B3GALNT2: variants seen among roughly 807,000 people sequenced by gnomAD.
B3GALNT2 encodes UDP-GalNAc:beta-1,3-N-acetylgalactosaminyltransferase 2.
A neutral mutation model predicts 61.1 loss-of-function variants in B3GALNT2; 53 were observed. The ratio of observed to expected loss-of-function variants is 0.87; its 90% CI spans 0.70 to 1.09. The LOEUF (loss-of-function observed/expected upper bound fraction) is 1.09. Among genes scored for constraint, B3GALNT2 ranks in the 50% least tolerant of loss-of-function variants. B3GALNT2 has a pLI of 0.00. For missense variants in B3GALNT2, 544 were observed against 623.0 expected, an observed-to-expected ratio of 0.87 and a Z score of 1.35; for synonymous variants, 223 against 237.4, an observed-to-expected ratio of 0.94 and a Z score of 0.56.
rs188273909 is a variant in B3GALNT2 at position 235,476,228 on chromosome 1, G to A, written c.651+3826C>T. Among the ~76,000 whole-genome samples the A allele has an allele frequency of 4.7e-3, 710 of 151,896 alleles. 4 individuals are homozygous for A. The highest frequency in any genetic ancestry group is 7.5e-3 in the Non-Finnish European group (511 of 67,946). ...AGATCAAGACCATCCTGGCTAACAC[G>A]GTGAAACCCCGTCTGTACTAAAAAT... is the stretch of plus-strand genomic sequence containing the variant. On this transcript the variant is annotated intron_variant, in intron 5 of 11. Coordinates refer to ENST00000366600, the MANE Select transcript of B3GALNT2 (RefSeq NM_152490.5).
intron 3 of B3GALNT2, among the ~76,000 whole-genome samples, chr1:235,487,986 A>G (rs905216703): frequency 6.6e-6 from 1 of 151,778 alleles, no homozygotes; most frequent in Non-Finnish European, 1.5e-5. Flanking sequence ...GGAGCTCACT[A>G]TGTTGCCCAG....
chr1:235,475,492 C>T (rs1684234896), intron 5 of B3GALNT2, among the ~76,000 whole-genome samples: 1 of 152,092 alleles, frequency 6.6e-6, no homozygotes, highest in Non-Finnish European at 1.5e-5. Flanking sequence ...TGATGAACTT[C>T]CTCTCGCAAA....
chr1:235,483,631 G>T (rs1684658515), intron 4 of B3GALNT2, among the ~76,000 whole-genome samples: 1 of 152,266 alleles, frequency 6.6e-6, no homozygotes, highest in South Asian at 2.1e-4. Flanking sequence ...AATTAGCCAG[G>T]TGTGGTGGCA....
chr1:235,441,988 G>A, the B3GALNT2 span: 1 of 977,934 alleles, frequency 1.0e-6, no homozygotes, highest in Non-Finnish European at 1.5e-6. Context: ...CTAAGTAAAT[G>A]CCTTGAGTTT....
At chr1:235,484,023 T>C (rs548776057) in intron 4 of B3GALNT2, among the ~76,000 whole-genome samples, 2 of 152,316 alleles carry the variant, frequency 1.3e-5, no homozygotes, top group South Asian at 4.1e-4. Context: ...CCTAAACTTT[T>C]TTTATATCCA....
rs765882953 is a variant in B3GALNT2, at chr1:235,450,240, C to T, written c.1469G>A (p.Arg490Gln). The T allele has an allele frequency of 6.8e-6, 11 of 1,613,996 alleles. No individual in the cohort carries two copies. The highest frequency in any genetic ancestry group is 3.3e-5 in the Admixed American group (2 of 59,978). ...TTGACATCGACAAGGATCACCGCAC[C>T]GTTCCTTCAGTTTCCACAGTTCCGT... ...ELTELWKLKERCGDPCRCQAR is the reference protein window; with the variant it reads ...ELTELWKLKEQCGDPCRCQAR Residue 490 changes from arginine (R) to glutamine (Q), a missense_variant, in exon 12 of 12, where the codon CGG (arginine) becomes CAG (glutamine). By Grantham distance (43) the Arg-to-Gln change is conservative. Coordinates refer to ENST00000366600, the MANE Select transcript of B3GALNT2 (RefSeq NM_152490.5).
rs1036770944 is a variant in B3GALNT2 at position 235,449,953 on chromosome 1, A to C, written c.*253T>G. The C allele has an allele frequency of 9.3e-6, 3 of 323,042 alleles. No homozygotes were observed. The highest frequency in any genetic ancestry group is 6.4e-5 in the African/African-American group (3 of 47,134). 20.0% of individuals were successfully genotyped at this position (323,042 alleles called of 1,614,324 possible). On this transcript the variant is annotated 3_prime_UTR_variant, in exon 12 of 12. Transcript: ENST00000366600. ...ATTTAGAAATATTTTTTCTTTTATA[A>C]AATAACTTGGTATTTTTCTGATAAT...
chr1:235,442,950 T>A (rs1236613993), downstream of B3GALNT2: 1 of 1,607,108 alleles, frequency 6.2e-7, no homozygotes, highest in Non-Finnish European at 8.5e-7. Flanking sequence ...AAACTCTGAA[T>A]CATCGGCCTA....
In B3GALNT2 at chr1:235,503,994, G is replaced by A. The variant is rs1037922200; in HGVS notation, c.112+147C>T. On this transcript the variant is annotated intron_variant, in intron 1 of 11. Coordinates refer to ENST00000366600, the MANE Select transcript of B3GALNT2 (RefSeq NM_152490.5). ...AGTTTGCCCGATGTTAACGCTCCAA[G>A]GATGAAAAGAGCCGTTTGTTTCGTC... 4 of 907,842 alleles carry A rather than the reference G, an allele frequency of 4.4e-6. No homozygotes were observed. In the African/African-American group the frequency reaches 5.3e-5, roughly 12 times the overall value. 56.2% of individuals were successfully genotyped at this position (907,842 alleles called of 1,614,324 possible). A position where few individuals can be genotyped will look rare whatever the true frequency, so the allele number is the denominator to read the frequency against.
chr1:235,461,010 C>A (rs1437290377), intron 7 of B3GALNT2, among the ~76,000 whole-genome samples: 1 of 152,196 alleles, frequency 6.6e-6, no homozygotes, highest in Admixed American at 6.5e-5. Context: ...TGATTTAAGG[C>A]AATTCTTTCG....
chr1:235,457,351 A>C (rs1683215648), intron 8 of B3GALNT2, among the ~76,000 whole-genome samples: 1 of 152,108 alleles, frequency 6.6e-6, no homozygotes, highest in Non-Finnish European at 1.5e-5. Context: ...ATAAAAAGTG[A>C]ATACCCTTTA....
chr1:235,460,109 T>C (rs1214222851), intron 7 of B3GALNT2, among the ~76,000 whole-genome samples: 18 of 388 alleles, frequency 0.046, no homozygotes, highest in African/African-American at 0.084. Context: ...GTTTTCTTTC[T>C]TTCCTCTTTC....
intron 1 of B3GALNT2, among the ~76,000 whole-genome samples, chr1:235,495,123 T>C (rs528840880): frequency 6.6e-6 from 1 of 152,304 alleles, no homozygotes; most frequent in African/African-American, 2.4e-5. Context: ...AAAGGCAACG[T>C]AGCATAAAAA....
intron 6 of B3GALNT2, among the ~76,000 whole-genome samples, chr1:235,469,831 G>C (rs556663507): frequency 6.6e-6 from 1 of 151,904 alleles, no homozygotes; most frequent in East Asian, 1.9e-4. Flanking sequence ...CAAAGTGCTC[G>C]GATTACAGGC....
At chr1:235,456,822 C>T (rs704708) in intron 8 of B3GALNT2, among the ~76,000 whole-genome samples, 83,675 of 152,008 alleles carry the variant, frequency 0.55, 23,284 homozygotes, top group East Asian at 0.66. Context: ...TTCCCACCCT[C>T]GGGACTTCCA....
intron 2 of B3GALNT2, among the ~76,000 whole-genome samples, chr1:235,493,090 G>C (rs1572554574): frequency 6.6e-6 from 1 of 152,214 alleles, no homozygotes; most frequent in African/African-American, 2.4e-5. Flanking sequence ...GAAGCAGTAA[G>C]TTCAGAGAAG....
Position 235,496,609 on chromosome 1 carries a change from G to A in B3GALNT2, c.113-1781C>T, listed in dbSNP as rs540891981. On this transcript the variant is annotated intron_variant, in intron 1 of 11. Transcript: ENST00000366600. ...GCCCAGTCTGGAGTGCAGTGGCGGC[G>A]ATCTCGGCTCACTGCAACCTCTGCC... Among the ~76,000 whole-genome samples, 555 of 149,486 alleles carry A rather than the reference G, an allele frequency of 3.7e-3. 3 individuals are homozygous for A. Among genetic ancestry groups the A allele is most frequent in the African/African-American group, 0.013 (532 of 40,600 alleles).
chr1:235,467,106 T>C (rs1282843014), intron 6 of B3GALNT2, among the ~76,000 whole-genome samples: 2 of 152,144 alleles, frequency 1.3e-5, no homozygotes, highest in Non-Finnish European at 2.9e-5. Context: ...CCCAGCACTT[T>C]GGGAGGCGGA....
chr1:235,482,775 C>T (rs1440385063), intron 4 of B3GALNT2, among the ~76,000 whole-genome samples: 2 of 151,962 alleles, frequency 1.3e-5, no homozygotes, highest in Non-Finnish European at 2.9e-5. Flanking sequence ...TGCAGTGAAC[C>T]ACGACTGTGC....
Sources: allele counts gnomAD v4.1 joint callset (sites outside exome capture counted in the v4.1 genomes callset), GRCh38; gene constraint gnomAD v4.1.1; transcripts MANE v1.5; gene names NCBI Gene and HGNC (gene_info 2026-07-23, HGNC 2026-07-21).